Variants in FAM83B observed in about 807,000 individuals in gnomAD.
The protein encoded by FAM83B is scaffolding CK1 anchoring protein B.
A neutral mutation model predicts 38.8 loss-of-function variants in FAM83B; 26 were observed. The ratio of observed to expected loss-of-function variants is 0.67; its 90% confidence interval spans 0.49 to 0.93. FAM83B has a LOEUF of 0.93. FAM83B is among the 40% of genes least tolerant of loss of function. The pLI, the probability that FAM83B is intolerant of heterozygous loss-of-function variation, is 0.00. For synonymous variants in FAM83B, 419 were observed against 423.1 expected, an observed-to-expected ratio of 0.99 and a Z score of 0.12; for missense variants, 1,237 against 1,197.3, an observed-to-expected ratio of 1.03 and a Z score of -0.49.
intron 2 of FAM83B, among the ~76,000 whole-genome samples, chr6:54,876,066 A>G (rs1336891112): frequency 5.3e-5 from 8 of 152,132 alleles, no homozygotes; most frequent in Non-Finnish European, 1.2e-4. Context: ...GTGTATTATC[A>G]GGTAAAGTCT....
At chr6:54,907,454 C>A (rs1194798455) in intron 2 of FAM83B, among the ~76,000 whole-genome samples, 43 of 152,038 alleles carry the variant, frequency 2.8e-4, no homozygotes, top group Non-Finnish European at 1.5e-5. Context: ...TTCTCAGAAA[C>A]CTAGCACTGC....
chr6:54,865,967 CATAATAATAATAATAATA>C (rs3064911), intron 1 of FAM83B, among the ~76,000 whole-genome samples: 2 of 147,990 alleles, frequency 1.4e-5, no homozygotes, highest in African/African-American at 2.5e-5. Flanking sequence ...GTAAAATAGT[CATAATAATAATAATAATA>C]ATAATAATAA....
At chr6:54,852,059 G>T (rs1470491424) in intron 1 of FAM83B, among the ~76,000 whole-genome samples, 1 of 145,514 alleles carries the variant, frequency 6.9e-6, no homozygotes, top group Non-Finnish European at 1.6e-5. Context: ...GGGATTACAG[G>T]TGTGAGCCAC....
At chr6:54,894,306 T>C (rs1233275884) in intron 2 of FAM83B, among the ~76,000 whole-genome samples, 1 of 152,136 alleles carries the variant, frequency 6.6e-6, no homozygotes, top group Non-Finnish European at 1.5e-5. Flanking sequence ...ACTTAAGTCC[T>C]AGGAACTTTT....
chr6:54,915,313 G>C (rs1773008300), intron 2 of FAM83B, among the ~76,000 whole-genome samples: 1 of 152,122 alleles, frequency 6.6e-6, no homozygotes, highest in Non-Finnish European at 1.5e-5. Context: ...AATTCTCCAT[G>C]TAATTTAGGT....
intron 2 of FAM83B, among the ~76,000 whole-genome samples, chr6:54,897,430 C>A (rs1772562853): frequency 6.6e-6 from 1 of 152,028 alleles, no homozygotes; most frequent in Non-Finnish European, 1.5e-5. Context: ...ACTTATATAT[C>A]ATTTTATTCT....
intron 4 of FAM83B, among the ~76,000 whole-genome samples, chr6:54,936,422 T>C (rs1375768223): frequency 6.6e-6 from 1 of 152,078 alleles, no homozygotes; most frequent in East Asian, 1.9e-4. Context: ...CTATTTCTAC[T>C]TTGGTTGGGC....
intron 2 of FAM83B, among the ~76,000 whole-genome samples, chr6:54,885,702 C>A (rs1176478976): frequency 6.6e-6 from 1 of 151,490 alleles, no homozygotes; most frequent in East Asian, 2.0e-4. Flanking sequence ...TCATTCTCAG[C>A]AAACTATCGC....
chr6:54,862,266 A>C (rs961470973), intron 1 of FAM83B, among the ~76,000 whole-genome samples: 1 of 152,194 alleles, frequency 6.6e-6, no homozygotes, highest in African/African-American at 2.4e-5. Flanking sequence ...CTATAGATCT[A>C]TTCAGATTAT....
At chr6:54,884,496 A>AAG (rs1300478888) in intron 2 of FAM83B, among the ~76,000 whole-genome samples, 1 of 151,406 alleles carries the variant, frequency 6.6e-6, no homozygotes, top group Non-Finnish European at 1.5e-5. Context: ...AAAAAAAAAA[A>AAG]AAAGAAATAT....
At chr6:54,878,452 G>T (rs1772049003) in intron 2 of FAM83B, among the ~76,000 whole-genome samples, 1 of 152,156 alleles carries the variant, frequency 6.6e-6, no homozygotes, top group Non-Finnish European at 1.5e-5. Context: ...AAGGTAGTTT[G>T]CAATTTTAAA....
intron 2 of FAM83B, among the ~76,000 whole-genome samples, chr6:54,904,042 T>C (rs1432883282): frequency 6.6e-6 from 1 of 151,842 alleles, no homozygotes; most frequent in African/African-American, 2.4e-5. Context: ...TTGTGCCCTC[T>C]CATTTGGCCA....
intron 4 of FAM83B, among the ~76,000 whole-genome samples, chr6:54,933,371 C>CTG (rs920577317): frequency 1.1e-4 from 17 of 151,036 alleles, no homozygotes; most frequent in Non-Finnish European, 7.4e-5. Flanking sequence ...GTTTACTTGT[C>CTG]TGTGTGTGTG....
At chr6:54,916,679 C>T (rs1040962792) in intron 2 of FAM83B, among the ~76,000 whole-genome samples, 4 of 152,084 alleles carry the variant, frequency 2.6e-5, no homozygotes, top group African/African-American at 9.7e-5. Context: ...ATGCCATTAC[C>T]AAACCAAATA....
chr6:54,881,183 G>A (rs1772124016), intron 2 of FAM83B, among the ~76,000 whole-genome samples: 1 of 152,186 alleles, frequency 6.6e-6, no homozygotes, highest in Admixed American at 6.5e-5. Flanking sequence ...GAGAGCATGT[G>A]CTGACAATTG....
At chr6:54,923,335 C>A (rs1773214479) in intron 2 of FAM83B, among the ~76,000 whole-genome samples, 1 of 152,022 alleles carries the variant, frequency 6.6e-6, no homozygotes, top group Non-Finnish European at 1.5e-5. Flanking sequence ...CTTTCTATAT[C>A]AAACTTAAAG....
Position 54,906,289 on chromosome 6 carries a change from T to C in FAM83B, c.445-20082T>C, listed in dbSNP as rs115151170. On this transcript the variant is annotated intron_variant, in intron 2 of 4. Transcript: ENST00000306858. The stretch of plus-strand genomic sequence containing the variant: ...TGACAATTACCCTATATAGTTAACA[T>C]ACATGAAATGAATTGAGTTGGTGTT... 7.9e-3 allele frequency among the ~76,000 whole-genome samples: 1,208 copies of C among 152,314 alleles called. 5 individuals carry two copies. The highest frequency in any genetic ancestry group is 0.014 in the Non-Finnish European group (972 of 68,008).
chr6:54,921,360 C>CTGGGT lies in FAM83B; in HGVS notation c.445-5011_445-5010insTGGGT, dbSNP rs1330485461. Among the ~76,000 whole-genome samples the CTGGGT allele has an allele frequency of 1.8e-3, 277 of 151,744 alleles. 4 individuals carry two copies. The East Asian group carries it at 0.042, about 23-fold the overall frequency. On this transcript the variant is annotated intron_variant, in intron 2 of 4. Coordinates refer to ENST00000306858, the MANE Select transcript of FAM83B (RefSeq NM_001010872.3). Reference sequence around the variant, plus strand: ...TATATGTAATATATACTGTAGGTGTCCTCCGGGGTCTGGGTCACTTTGGGA... The same window carrying CTGGGT: ...TATATGTAATATATACTGTAGGTGTCTGGGTCTCCGGGGTCTGGGTCACTTTGGGA...
Position 54,940,081 on chromosome 6 carries a change from C to A in FAM83B, c.1110C>A (p.Asn370Lys), listed in dbSNP as rs13208146. 6.2e-7 allele frequency: 1 copy of A among 1,613,910 alleles called. No homozygotes were observed. The highest frequency in any genetic ancestry group is 8.5e-7 in the Non-Finnish European group (1 of 1,179,980). ...PHFVPNFNGP[N>K]AIRQFQPNQI... ...TTGTTCCTAACTTTAATGGTCCAAA[C>A]GCAATACGTCAGTTTCAACCCAATC... is the stretch of plus-strand genomic sequence containing the variant. The change falls in exon 5 of 5, where the codon AAC (asparagine) becomes AAA (lysine). Residue 370 changes from asparagine to lysine, a missense_variant. Asn to Lys is a moderately conservative substitution (Grantham distance 94). Transcript: ENST00000306858.
Sources: allele counts gnomAD v4.1 joint callset (sites outside exome capture counted in the v4.1 genomes callset), GRCh38; gene constraint gnomAD v4.1.1; transcripts MANE v1.5; gene names NCBI Gene and HGNC (gene_info 2026-07-23, HGNC 2026-07-21).